Variants in ZBTB20 observed in about 807,000 individuals in gnomAD.
ZBTB20 encodes zinc finger and BTB domain-containing protein 20.
A neutral mutation model predicts 56.9 loss-of-function variants in ZBTB20; 9 were observed. The observed-to-expected ratio is 0.16, with a 90% CI of 0.10 to 0.28. The LOEUF is 0.28. ZBTB20 is among the 10% of genes least tolerant of loss of function. The pLI, the probability that ZBTB20 is intolerant of heterozygous loss-of-function variation, is 1.00. For synonymous variants in ZBTB20, 417 were observed against 420.7 expected (o/e 0.99, Z 0.11); for missense variants, 655 against 1,003.0 (o/e 0.65, Z 4.69).
chr3:114,640,391 T>C (rs2059496509), intron 6 of ZBTB20, among the ~76,000 whole-genome samples: 1 of 152,114 alleles, frequency 6.6e-6, no homozygotes, highest in Non-Finnish European at 1.5e-5. Context: ...GACTGAATCA[T>C]TCAATAATGC....
At chr3:115,130,426 A>G (rs1406210363) in intron 1 of ZBTB20, among the ~76,000 whole-genome samples, 1 of 152,244 alleles carries the variant, frequency 6.6e-6, no homozygotes, top group Non-Finnish European at 1.5e-5. Context: ...GGTACCAACT[A>G]AAGAAACTGA....
At chr3:114,919,024 T>C (rs2075852380) in intron 3 of ZBTB20, among the ~76,000 whole-genome samples, 1 of 152,210 alleles carries the variant, frequency 6.6e-6, no homozygotes, top group Admixed American at 6.5e-5. Flanking sequence ...GTGAAGTTTG[T>C]TGATACTTGA....
At chr3:114,672,966 G>C (rs2061431879) in intron 6 of ZBTB20, among the ~76,000 whole-genome samples, 1 of 152,176 alleles carries the variant, frequency 6.6e-6, no homozygotes, top group Middle Eastern at 3.4e-3. Flanking sequence ...GAAATTCTTG[G>C]AATCTGAATT....
intron 10 of ZBTB20, chr3:114,379,274 T>TTA (rs1220175367): frequency 6.6e-6 from 1 of 152,266 alleles, no homozygotes; most frequent in African/African-American, 2.4e-5. Flanking sequence ...AATATGCCAG[T>TTA]TATTTGCATG....
At chr3:114,985,731 C>A (rs1347678500) in intron 2 of ZBTB20, among the ~76,000 whole-genome samples, 1 of 152,046 alleles carries the variant, frequency 6.6e-6, no homozygotes, top group African/African-American at 2.4e-5. Flanking sequence ...CACTCCCTCC[C>A]ACATTCATAC....
chr3:114,462,895 G>A (rs762097424), intron 7 of ZBTB20, among the ~76,000 whole-genome samples: 2 of 152,144 alleles, frequency 1.3e-5, no homozygotes, highest in East Asian at 1.9e-4. Flanking sequence ...TAATAGTGAC[G>A]TATGCCTCTT....
At chr3:114,364,545 C>T (rs2082201709) in intron 10 of ZBTB20, among the ~76,000 whole-genome samples, 1 of 152,160 alleles carries the variant, frequency 6.6e-6, no homozygotes, top group Non-Finnish European at 1.5e-5. Context: ...CAGATATGTT[C>T]GATTGTCTTA....
chr3:115,102,157 C>A (rs1215269827), intron 1 of ZBTB20, among the ~76,000 whole-genome samples: 1 of 152,190 alleles, frequency 6.6e-6, no homozygotes, highest in African/African-American at 2.4e-5. Flanking sequence ...ACTCTAGTCT[C>A]ATCGTAATCC....
chr3:114,453,200 A>G (rs1292939023), intron 7 of ZBTB20, among the ~76,000 whole-genome samples: 1 of 152,182 alleles, frequency 6.6e-6, no homozygotes, highest in Non-Finnish European at 1.5e-5. Context: ...AAAAATTGAA[A>G]TGGAGAACAC....
chr3:114,744,006 G>C (rs2066837519), intron 5 of ZBTB20, among the ~76,000 whole-genome samples: 1 of 152,162 alleles, frequency 6.6e-6, no homozygotes, highest in South Asian at 2.1e-4. Flanking sequence ...GCAAGGAGTA[G>C]AGCTGAGAAG....
At chr3:115,090,782 T>C (rs942187354) in intron 1 of ZBTB20, among the ~76,000 whole-genome samples, 6 of 151,914 alleles carry the variant, frequency 3.9e-5, no homozygotes, top group Non-Finnish European at 7.4e-5. Context: ...GGAAAGGTAA[T>C]ATATATTATC....
chr3:114,946,226 A>C (rs2076882918), intron 3 of ZBTB20, among the ~76,000 whole-genome samples: 1 of 145,682 alleles, frequency 6.9e-6, no homozygotes, highest in South Asian at 2.1e-4. Context: ...TTGCAGGTGC[A>C]CATAGAGCAT....
At chr3:114,978,525 A>ATAC (rs2078199494) in intron 2 of ZBTB20, among the ~76,000 whole-genome samples, 1 of 151,614 alleles carries the variant, frequency 6.6e-6, no homozygotes, top group Non-Finnish European at 1.5e-5. Context: ...ATACATCATT[A>ATAC]AGCTTAGAAA....
At chr3:114,402,213 T>C (rs888087734) in intron 7 of ZBTB20, among the ~76,000 whole-genome samples, 1 of 152,196 alleles carries the variant, frequency 6.6e-6, no homozygotes, top group African/African-American at 2.4e-5. Context: ...CTGGCTATGC[T>C]ACATGCTCTT....
intron 7 of ZBTB20, among the ~76,000 whole-genome samples, chr3:114,435,295 T>C (rs926061109): frequency 6.6e-6 from 1 of 152,194 alleles, no homozygotes; most frequent in African/African-American, 2.4e-5. Context: ...TGATCACTTC[T>C]GAACACCTGG....
intron 10 of ZBTB20, chr3:114,378,847 G>A (rs113864178): frequency 0.018 from 2,795 of 152,310 alleles, 75 homozygotes; most frequent in African/African-American, 0.063. Flanking sequence ...CTATTAGGAC[G>A]GTCCTCAGAA....
At chr3:115,028,239 C>A (rs2080508370) in intron 2 of ZBTB20, among the ~76,000 whole-genome samples, 1 of 150,558 alleles carries the variant, frequency 6.6e-6, no homozygotes, top group Admixed American at 6.6e-5. Flanking sequence ...AACATAGTAA[C>A]AAAAACAAAA....
chr3:114,476,901 C>G (rs1326493555), intron 7 of ZBTB20, among the ~76,000 whole-genome samples: 2 of 152,218 alleles, frequency 1.3e-5, no homozygotes, highest in African/African-American at 4.8e-5. Context: ...CTTACCCCAT[C>G]ATTACCTAGT....
intron 2 of ZBTB20, among the ~76,000 whole-genome samples, chr3:115,031,975 AAGATAAGTTAGTGTC>A (rs1576608315): frequency 1.3e-5 from 2 of 151,486 alleles, no homozygotes; most frequent in East Asian, 3.9e-4. Flanking sequence ...CCCTCATCAA[AAGATAAGTTAGTGTC>A]ATACTATCAT....
Sources: allele counts gnomAD v4.1 joint callset (sites outside exome capture counted in the v4.1 genomes callset), GRCh38; gene constraint gnomAD v4.1.1; transcripts MANE v1.5; gene names NCBI Gene and HGNC (gene_info 2026-07-23, HGNC 2026-07-21).